Variants in SGSM3 observed in about 807,000 individuals in gnomAD.
SGSM3 encodes the protein small G protein signaling modulator 3, also known as RUN and SH3 containing 3.
SGSM3 carries 96 observed loss-of-function variants against 100.5 expected under a neutral mutation model. The ratio of observed to expected loss-of-function variants is 0.96; its 90% CI spans 0.81 to 1.13. The LOEUF (loss-of-function observed/expected upper bound fraction) is 1.13. SGSM3 is among the 50% of genes most tolerant of loss of function. The pLI is 0.00. For missense variants in SGSM3, 1,001 were observed against 1,015.8 expected, an observed-to-expected ratio of 0.99 and a Z score of 0.20; for synonymous variants, 483 against 422.8, an observed-to-expected ratio of 1.14 and a Z score of -1.75.
Position 40,409,910 on chromosome 22 carries a change from C to A in SGSM3, c.*151C>A. ...CCCACTCCACGTTCCCCAGCACATC[C>A]CAGGTGGTGGGAGCAGAGGGTACCC... On this transcript the variant is annotated 3_prime_UTR_variant, in exon 22 of 22. Transcript: ENST00000248929. The A allele has an allele frequency of 2.8e-6, 4 of 1,416,194 alleles. No homozygotes were observed. The highest frequency in any genetic ancestry group is 3.7e-6 in the Non-Finnish European group (4 of 1,091,122). 87.7% of individuals were successfully genotyped at this position (1,416,194 alleles called of 1,614,324 possible).
chr22:40,401,581 C>G lies in SGSM3; in HGVS notation c.8-12C>G. ...TTTTCTTGATTGTTCTCCTGGTCCT[C>G]TTTGGTTTTAGGAAGCCATACACCT... On this transcript the variant is annotated splice_polypyrimidine_tract_variant and intron_variant, in intron 2 of 21. Transcript: ENST00000248929. 1 of 1,609,112 alleles carries G rather than the reference C, an allele frequency of 6.2e-7. No individual in the cohort carries two copies. The highest frequency in any genetic ancestry group is 8.5e-7 in the Non-Finnish European group (1 of 1,176,068).
chr22:40,409,125 C>T (rs1174872343), intron 19 of SGSM3, 107 bp downstream of exon 19: 3 of 1,551,712 alleles, frequency 1.9e-6, no homozygotes, highest in Middle Eastern at 2.3e-4. Flanking sequence ...ACCTCAGGGG[C>T]TCAGGTCCTT....
Position 40,409,904 on chromosome 22 carries a change from C to T in SGSM3, c.*145C>T. ...GGCTGCCCCACTCCACGTTCCCCAG[C>T]ACATCCCAGGTGGTGGGAGCAGAGG... On this transcript the variant is annotated 3_prime_UTR_variant, in exon 22 of 22. Coordinates refer to ENST00000248929, the MANE Select transcript of SGSM3 (RefSeq NM_015705.6). The T allele has an allele frequency of 1.4e-6, 2 of 1,420,042 alleles. No homozygotes were observed. Among genetic ancestry groups the T allele is most frequent in the Non-Finnish European group, 1.8e-6 (2 of 1,092,934 alleles). The allele number at this position is 1,420,042 out of a possible 1,614,324, so 88.0% of individuals were successfully genotyped here.
At position 40,407,548 on chromosome 22, in the gene SGSM3, C is replaced by T. The variant is rs762458314; in HGVS notation, c.1504C>T (p.Arg502Cys). 43 of 1,604,252 alleles carry T rather than the reference C, an allele frequency of 2.7e-5. No homozygotes were observed. The highest frequency in any genetic ancestry group is 3.3e-4 in the Middle Eastern group (2 of 6,080). Residue 502 changes from arginine (R) to cysteine (C), a missense_variant, in exon 13 of 22, where the codon CGC (arginine) becomes TGC (cysteine). Physicochemically the swap from Arg to Cys is radical, Grantham distance 180. Coordinates refer to ENST00000248929, the MANE Select transcript of SGSM3 (RefSeq NM_015705.6). This position sits in a 1 kb window ranked among gnomAD's most constrained non-coding sequence, Gnocchi z 4.7. The part of the protein sequence containing the change: ...ERHDDDELGF[R>C]KNDIITIVSQ... ...GCACGACGACGACGAGCTGGGCTTC[C>T]GCAAGAACGACATCATCACAGTGCG...
intron 1 of SGSM3, among the ~76,000 whole-genome samples, chr22:40,380,070 T>A (rs1465536075): frequency 6.6e-6 from 1 of 152,104 alleles, no homozygotes; most frequent in Non-Finnish European, 1.5e-5. Flanking sequence ...GTCTGGTCAA[T>A]GAAATTATAA....
Position 40,402,221 on chromosome 22 carries a change from T to A in SGSM3, c.157+16T>A, listed in dbSNP as rs1303821657. On this transcript the variant is annotated intron_variant, in intron 4 of 21. Coordinates refer to ENST00000248929, the MANE Select transcript of SGSM3 (RefSeq NM_015705.6). ...TACAAGGAAGGTAAACTTGAGCCCC[T>A]TTTGTGTGTCATCTTGCTGATGTTC... 1.2e-6 allele frequency: 2 copies of A among 1,602,272 alleles called. No individual in the cohort carries two copies. Among genetic ancestry groups the A allele is most frequent in the Non-Finnish European group, 1.7e-6 (2 of 1,169,194 alleles).
In SGSM3 at chr22:40,406,081, T is replaced by G; in HGVS notation, c.818T>G (p.Leu273Arg). 1 of 1,613,736 alleles carries G rather than the reference T, an allele frequency of 6.2e-7. No individual in the cohort carries two copies. The highest frequency in any genetic ancestry group is 2.2e-5 in the East Asian group (1 of 44,876). ...DKLLQEHDIE[L>R]SLITLHWFLT... ...GCTTTGGCTCCTGTGTTTACAGAGC[T>G]GTCCCTGATCACACTGCACTGGTTC... The change falls in exon 9 of 22, where the codon CTG becomes CGG. Residue 273 changes from leucine (L) to arginine (R), a missense_variant. By Grantham distance (102) the Leu-to-Arg change is moderately radical (BLOSUM62 -2). Coordinates refer to ENST00000248929, the MANE Select transcript of SGSM3 (RefSeq NM_015705.6).
chr22:40,374,287 G>A (rs1164315776), intron 1 of SGSM3, among the ~76,000 whole-genome samples: 4 of 152,170 alleles, frequency 2.6e-5, no homozygotes, highest in Non-Finnish European at 5.9e-5. Flanking sequence ...AGTTGGGGAA[G>A]GAACACTTTA....
chr22:40,392,686 A>G (rs528186963), intron 1 of SGSM3, among the ~76,000 whole-genome samples: 1 of 152,300 alleles, frequency 6.6e-6, no homozygotes, highest in African/African-American at 2.4e-5. Flanking sequence ...TTGAGATATA[A>G]TTCATATACC....
chr22:40,409,851 TGGCCGGGGCCGCG>T lies in SGSM3; in HGVS notation c.*95_*107del. On this transcript the variant is annotated 3_prime_UTR_variant, in exon 22 of 22. Transcript: ENST00000248929. ...CCAGGGAAGAGCAGCTCCAGAGCCC[TGGCCGGGGCCGCG>T]GGATATCAATATCAGGCTGCCCCAC... The T allele has an allele frequency of 6.6e-7, 1 of 1,508,920 alleles. No individual in the cohort carries two copies. Among genetic ancestry groups the T allele is most frequent in the Non-Finnish European group, 8.8e-7 (1 of 1,135,518 alleles). 93.5% of individuals were successfully genotyped at this position (1,508,920 alleles called of 1,614,324 possible).
chr22:40,406,246 G>T, intron 9 of SGSM3, 23 bp downstream of exon 9: 1 of 1,612,878 alleles, frequency 6.2e-7, no homozygotes. Flanking sequence ...CCCACTTCAG[G>T]CTGAGGAGTA....
chr22:40,404,260 T>C lies in SGSM3; in HGVS notation c.171T>C (p.Pro57=). ...FRVYKEEGDE[P]GSSLLANSPL... ...CTCTCTTGGCAGAAGGTGATGAGCC[T>C]GGCTCCAGTCTGCTGGCGAACTCCC... The change falls in exon 5 of 22, where the codon CCT becomes CCC. Residue 57 remains proline (P), a synonymous_variant. Coordinates refer to ENST00000248929, the MANE Select transcript of SGSM3 (RefSeq NM_015705.6). 1 of 1,518,430 alleles carries C rather than the reference T, an allele frequency of 6.6e-7. No individual in the cohort carries two copies. The highest frequency in any genetic ancestry group is 8.8e-7 in the Non-Finnish European group (1 of 1,132,764). The allele number at this position is 1,518,430 out of a possible 1,614,324, so 94.1% of individuals were successfully genotyped here. A position where few individuals can be genotyped will look rare whatever the true frequency, so the allele number is the denominator to read the frequency against.
chr22:40,405,732 C>G lies in SGSM3; in HGVS notation c.702C>G (p.Ala234=). Residue 234 remains alanine, a synonymous_variant, in exon 8 of 22, where the codon GCC becomes GCG. Transcript: ENST00000248929. ...MSAIIEDLLP[A]SYFSTTLLGV... ...CCATCATCGAGGACCTGCTCCCCGC[C>G]TCCTACTTCAGCACCACCCTGCTGG... 1 of 1,613,864 alleles carries G rather than the reference C, an allele frequency of 6.2e-7. No homozygotes were observed. Among genetic ancestry groups the G allele is most frequent in the South Asian group, 1.1e-5 (1 of 91,086 alleles).
Position 40,400,791 on chromosome 22 carries a change from C to T in SGSM3, c.-16C>T, listed in dbSNP as rs1274109980. 2 of 1,549,820 alleles carry T rather than the reference C, an allele frequency of 1.3e-6. No homozygotes were observed. The highest frequency in any genetic ancestry group is 1.4e-5 in the African/African-American group (1 of 72,832). On this transcript the variant is annotated 5_prime_UTR_variant, in exon 2 of 22. Transcript: ENST00000248929. ...TAAGATTGGAGCTGCAGAAGACTTG[C>T]CAGCCCACCAGCACAATGTCAGGTA...
chr22:40,391,440 T>G (rs908283791), intron 1 of SGSM3, among the ~76,000 whole-genome samples: 5 of 152,132 alleles, frequency 3.3e-5, no homozygotes, highest in Admixed American at 6.5e-5. Context: ...AGACCCGGTC[T>G]CTACAAAAAA....
At chr22:40,381,902 T>G (rs2047637031) in intron 1 of SGSM3, among the ~76,000 whole-genome samples, 1 of 152,178 alleles carries the variant, frequency 6.6e-6, no homozygotes, top group Non-Finnish European at 1.5e-5. Context: ...GAAGTTGCAG[T>G]GAGCCAAGAT....
chr22:40,394,645 C>CA (rs34700924), intron 1 of SGSM3, among the ~76,000 whole-genome samples: 21,044 of 83,882 alleles, frequency 0.25, 2,308 homozygotes, highest in Admixed American at 0.39. Flanking sequence ...ACTCCTGTCT[C>CA]AAAAAAAAAA....
At chr22:40,401,216 G>T (rs764620886) in intron 2 of SGSM3, among the ~76,000 whole-genome samples, 1 of 152,054 alleles carries the variant, frequency 6.6e-6, no homozygotes, top group Non-Finnish European at 1.5e-5. Flanking sequence ...GAGGGAGAGG[G>T]TATTTCCTGA....
At position 40,409,902 on chromosome 22, in the gene SGSM3, A is replaced by AGCACATCCCAGGTG. The variant is rs2052367856; in HGVS notation, c.*145_*158dup. ...CAGGCTGCCCCACTCCACGTTCCCC[A>AGCACATCCCAGGTG]GCACATCCCAGGTGGTGGGAGCAGA... On this transcript the variant is annotated 3_prime_UTR_variant, in exon 22 of 22. Transcript: ENST00000248929. The AGCACATCCCAGGTG allele has an allele frequency of 7.0e-7, 1 of 1,420,380 alleles. No individual in the cohort carries two copies. The highest frequency in any genetic ancestry group is 1.6e-5 in the South Asian group (1 of 63,030). 88.0% of individuals were successfully genotyped at this position (1,420,380 alleles called of 1,614,324 possible). A position where few individuals can be genotyped will look rare whatever the true frequency, so the allele number is the denominator to read the frequency against.
Sources: allele counts gnomAD v4.1 joint callset (sites outside exome capture counted in the v4.1 genomes callset), GRCh38; gene constraint gnomAD v4.1.1; non-coding constraint Gnocchi (gnomAD v3.1); transcripts MANE v1.5; gene names NCBI Gene and HGNC (gene_info 2026-07-23, HGNC 2026-07-21).